The following SUGCT variants were observed in gnomAD, a reference collection of about 807,000 sequenced individuals.
The protein encoded by SUGCT is succinyl-CoA:glutarate CoA-transferase.
SUGCT carries 41 observed loss-of-function variants against 55.0 expected under a neutral mutation model. The ratio of observed to expected loss-of-function variants is 0.74; its 90% CI spans 0.58 to 0.97. The LOEUF (loss-of-function observed/expected upper bound fraction) is 0.97, where lower values mean the gene tolerates loss of function less well. Among genes scored for constraint, SUGCT ranks in the 50% least tolerant of loss-of-function variants. The pLI, the probability that SUGCT is intolerant of heterozygous loss-of-function variation, is 0.00. For synonymous variants in SUGCT, 187 were observed against 200.4 expected (o/e 0.93, Z 0.56); for missense variants, 568 against 547.8 (o/e 1.04, Z -0.37).
intron 1 of SUGCT, among the ~76,000 whole-genome samples, chr7:40,144,546 C>T (rs1183119074): frequency 1.3e-5 from 2 of 152,000 alleles, no homozygotes; most frequent in African/African-American, 4.8e-5. Context: ...CTGGAGTTTT[C>T]CTTCTTTCCA....
the SUGCT span, among the ~76,000 whole-genome samples, chr7:40,933,490 G>T: frequency 1.3e-5 from 2 of 152,106 alleles, no homozygotes; most frequent in African/African-American, 4.8e-5. Context: ...GCCTTGCTAG[G>T]TTGGGGAAGT....
chr7:40,238,450 T>C (rs528476242), intron 7 of SUGCT, among the ~76,000 whole-genome samples: 74 of 152,224 alleles, frequency 4.9e-4, no homozygotes, highest in African/African-American at 1.4e-3. Context: ...TGTGAAAGCC[T>C]AGTAAATAAA....
At chr7:40,192,630 C>CTT (rs748789860) in intron 5 of SUGCT, among the ~76,000 whole-genome samples, 28 of 134,788 alleles carry the variant, frequency 2.1e-4, no homozygotes, top group Admixed American at 1.1e-3. Context: ...TTCTTTCTTT[C>CTT]TTTTTTTTTT....
intron 6 of SUGCT, among the ~76,000 whole-genome samples, chr7:40,204,496 G>T (rs1786833781): frequency 6.6e-6 from 1 of 151,978 alleles, no homozygotes; most frequent in African/African-American, 2.4e-5. Flanking sequence ...TAGAGACAGG[G>T]TTTCACTGTG....
intron 9 of SUGCT, among the ~76,000 whole-genome samples, chr7:40,391,031 G>C (rs1785401443): frequency 2.0e-5 from 3 of 152,232 alleles, no homozygotes; most frequent in African/African-American, 4.8e-5. Flanking sequence ...CAAGAAATGG[G>C]GAAAGGATTC....
intron 12 of SUGCT, among the ~76,000 whole-genome samples, chr7:40,559,519 A>G (rs1181756295): frequency 1.3e-5 from 2 of 152,188 alleles, no homozygotes; most frequent in South Asian, 2.1e-4. Flanking sequence ...CCTCATTTTT[A>G]TCATAAATGG....
intron 12 of SUGCT, among the ~76,000 whole-genome samples, chr7:40,681,716 A>C (rs1459523125): frequency 6.6e-6 from 1 of 152,138 alleles, no homozygotes; most frequent in African/African-American, 2.4e-5. Context: ...AAAAGGCAGG[A>C]CCTCTTGAAG....
At chr7:40,653,879 C>T (rs1800892781) in intron 12 of SUGCT, among the ~76,000 whole-genome samples, 2 of 151,782 alleles carry the variant, frequency 1.3e-5, no homozygotes, top group Non-Finnish European at 2.9e-5. Context: ...ATTTTGTTGC[C>T]GCTAACAGTA....
chr7:40,725,837 CT>C (rs1170962904), intron 12 of SUGCT, among the ~76,000 whole-genome samples: 1 of 152,012 alleles, frequency 6.6e-6, no homozygotes, highest in Non-Finnish European at 1.5e-5. Flanking sequence ...GCCTCAAACC[CT>C]TTTATAGCCT....
intron 9 of SUGCT, among the ~76,000 whole-genome samples, chr7:40,408,237 T>C (rs1786487473): frequency 6.6e-6 from 1 of 152,204 alleles, no homozygotes; most frequent in Non-Finnish European, 1.5e-5. Context: ...TTGGAGCTAC[T>C]ATTGAGAAAA....
rs188578718 is a variant in SUGCT at position 40,535,784 on chromosome 7, G to A, written c.1089+39398G>A. Among the ~76,000 whole-genome samples, 65 of 152,222 alleles carry A rather than the reference G, an allele frequency of 4.3e-4. No individual in the cohort carries two copies. The East Asian group carries it at 0.012, about 28-fold the overall frequency. ...ACTCCTGACCTCAGGTGATCCACCC[G>A]CCTTGACCTCCCAAAGTGCTGGGAT... On this transcript the variant is annotated intron_variant, in intron 12 of 13. Coordinates refer to ENST00000335693, the MANE Select transcript of SUGCT (RefSeq NM_001193313.2).
At chr7:40,746,817 A>G (rs982788272) in intron 12 of SUGCT, among the ~76,000 whole-genome samples, 3 of 152,194 alleles carry the variant, frequency 2.0e-5, no homozygotes, top group African/African-American at 7.2e-5. Flanking sequence ...TTTCAACACT[A>G]TCAGTTAAGT....
intron 8 of SUGCT, among the ~76,000 whole-genome samples, chr7:40,279,368 C>T (rs952750): frequency 0.54 from 82,288 of 151,810 alleles, 24,291 homozygotes; most frequent in Non-Finnish European, 0.67. Context: ...GTTAACTCCA[C>T]CCAAACTGTG....
chr7:40,833,510 A>C (rs1312561618), intron 13 of SUGCT, among the ~76,000 whole-genome samples: 4 of 152,338 alleles, frequency 2.6e-5, no homozygotes, highest in Non-Finnish European at 5.9e-5. Context: ...TCCCTGTTTT[A>C]AAGTCCCAGG....
At chr7:40,779,337 G>A (rs1157990765) in intron 13 of SUGCT, among the ~76,000 whole-genome samples, 2 of 152,134 alleles carry the variant, frequency 1.3e-5, no homozygotes, top group Non-Finnish European at 2.9e-5. Context: ...CTGTAATTTA[G>A]TCAGCTTGTG....
intron 9 of SUGCT, among the ~76,000 whole-genome samples, chr7:40,330,133 A>G (rs1202369415): frequency 6.6e-6 from 1 of 152,214 alleles, no homozygotes; most frequent in Non-Finnish European, 1.5e-5. Context: ...GACATTATTG[A>G]GAACAGAAAG....
At chr7:40,814,093 G>C (rs1791551262) in intron 13 of SUGCT, among the ~76,000 whole-genome samples, 1 of 152,174 alleles carries the variant, frequency 6.6e-6, no homozygotes, top group Non-Finnish European at 1.5e-5. Flanking sequence ...CTGTTAGCCT[G>C]ATGGGGCTCC....
intron 1 of SUGCT, chr7:40,152,992 A>G (rs1021753112): frequency 1.1e-5 from 2 of 188,320 alleles, no homozygotes; most frequent in Non-Finnish European, 2.2e-5. Flanking sequence ...GGCGTGAGCC[A>G]CTGCGCCCAG....
At chr7:40,894,421 A>G in the SUGCT span, among the ~76,000 whole-genome samples, 1 of 152,246 alleles carries the variant, frequency 6.6e-6, no homozygotes, top group African/African-American at 2.4e-5. Flanking sequence ...ACATTTCATG[A>G]TGAAGATGCC....
Sources: allele counts gnomAD v4.1 joint callset (sites outside exome capture counted in the v4.1 genomes callset), GRCh38; gene constraint gnomAD v4.1.1; transcripts MANE v1.5; gene names NCBI Gene and HGNC (gene_info 2026-07-23, HGNC 2026-07-21).